The following BPIFA2 variants were observed in gnomAD, a reference collection of about 807,000 sequenced individuals.
BPIFA2 encodes BPI fold containing family A member 2.
Under a neutral mutation model 25.7 loss-of-function variants are expected in BPIFA2, and 20 were observed. The observed-to-expected ratio is 0.78, with a 90% CI of 0.55 to 1.13. The LOEUF (loss-of-function observed/expected upper bound fraction) is 1.13, where lower values mean the gene tolerates loss of function less well. BPIFA2 is among the 50% of genes most tolerant of loss of function. The pLI, the probability that BPIFA2 is intolerant of heterozygous loss-of-function variation, is 0.00. For missense variants in BPIFA2, 300 were observed against 298.1 expected, an observed-to-expected ratio of 1.01 and a Z score of -0.05; for synonymous variants, 126 against 124.3, an observed-to-expected ratio of 1.01 and a Z score of -0.09.
chr20:33,177,979 G>C (rs1038022666), intron 5 of BPIFA2, among the ~76,000 whole-genome samples, 168 bp from the exon 6 acceptor site: 1 of 152,180 alleles, frequency 6.6e-6, no homozygotes, highest in Admixed American at 6.5e-5. Flanking sequence ...AGATGTGGGA[G>C]TCTAAGTGAT....
At position 33,168,229 on chromosome 20, in the gene BPIFA2, C is replaced by G. The variant is rs1158705609; in HGVS notation, c.-16+20C>G. ...AAACGCGTGAGTGGCGTGCTCCCCCCAGTGGCACCACACGTGGTGGTCTTT... is the reference window on the plus strand; with the variant it reads ...AAACGCGTGAGTGGCGTGCTCCCCCGAGTGGCACCACACGTGGTGGTCTTT... On this transcript the variant is annotated intron_variant, in intron 1 of 8. Transcript: ENST00000354932. 2 of 152,262 alleles carry G rather than the reference C, an allele frequency of 1.3e-5. No homozygotes were observed. The highest frequency in any genetic ancestry group is 3.9e-4 in the East Asian group (2 of 5,192). 9.4% of individuals were successfully genotyped at this position (152,262 alleles called of 1,614,324 possible). A position where few individuals can be genotyped will look rare whatever the true frequency, so the allele number is the denominator to read the frequency against.
chr20:33,177,961 C>T (rs1231154659), intron 5 of BPIFA2, among the ~76,000 whole-genome samples, 186 bp from the exon 6 acceptor site: 1 of 152,064 alleles, frequency 6.6e-6, no homozygotes, highest in African/African-American at 2.4e-5. Context: ...TGGGGTGAGC[C>T]GCTGGTCAGA....
chr20:33,172,270 G>T (rs1313693724), intron 2 of BPIFA2, among the ~76,000 whole-genome samples: 1 of 152,196 alleles, frequency 6.6e-6, no homozygotes, highest in East Asian at 1.9e-4. Flanking sequence ...GAGAGAATTA[G>T]GACAAATACC....
intron 3 of BPIFA2, among the ~76,000 whole-genome samples, chr20:33,173,861 T>TA (rs1262767653): frequency 4.6e-5 from 7 of 152,176 alleles, no homozygotes; most frequent in Admixed American, 1.3e-4. Flanking sequence ...CTCTGGCACT[T>TA]ACTCCCCTAG....
At chr20:33,175,678 C>T (rs556604014) in intron 5 of BPIFA2, 119 bp downstream of exon 5, 3 of 1,115,990 alleles carry the variant, frequency 2.7e-6, no homozygotes, top group Non-Finnish European at 3.8e-6. Context: ...GCTCTGGAGT[C>T]ATGTTGACCT....
chr20:33,162,863 T>C (rs1405053124), intron 1 of BPIFA2, among the ~76,000 whole-genome samples: 1 of 152,178 alleles, frequency 6.6e-6, no homozygotes, highest in Non-Finnish European at 1.5e-5. Flanking sequence ...GCACTTCCTC[T>C]TTCACTCCCA....
rs140056672 is a variant in BPIFA2, at chr20:33,169,296, C to T, written c.151C>T (p.Leu51Phe). The change falls in exon 2 of 9, where the codon CTT becomes TTT. Residue 51 changes from leucine to phenylalanine, a missense_variant. Coordinates refer to ENST00000354932, the MANE Select transcript of BPIFA2 (RefSeq NM_080574.4). ...HEGLETVDNT[L>F]KGILEKLKVD... ...GGGACTTGAGACAGTTGACAATACT[C>T]TTAAAGGTAAATCAACAAGGGTGAT... The T allele has an allele frequency of 1.2e-5, 20 of 1,613,736 alleles. No homozygotes were observed. The African/African-American group carries it at 2.0e-4, about 16-fold the overall frequency.
intron 1 of BPIFA2, among the ~76,000 whole-genome samples, chr20:33,168,422 C>A (rs190401757): frequency 9.7e-4 from 148 of 152,306 alleles, no homozygotes; most frequent in African/African-American, 3.5e-3. Flanking sequence ...TACTCCTGTT[C>A]TTCCCATGAC....
intron 1 of BPIFA2, among the ~76,000 whole-genome samples, chr20:33,168,588 G>C (rs1983795509): frequency 6.6e-6 from 1 of 152,048 alleles, no homozygotes; most frequent in African/African-American, 2.4e-5. Flanking sequence ...TTCGTTTACT[G>C]TACTGTACTA....
At chr20:33,175,608 A>T in intron 5 of BPIFA2, 49 bp downstream of exon 5, 2 of 1,587,224 alleles carry the variant, frequency 1.3e-6, no homozygotes, top group Non-Finnish European at 1.7e-6. Context: ...GAACTTGAGG[A>T]CCCCTAATTT....
intron 2 of BPIFA2, among the ~76,000 whole-genome samples, chr20:33,169,978 T>C (rs1182370581): frequency 1.3e-5 from 2 of 152,206 alleles, no homozygotes; most frequent in Non-Finnish European, 2.9e-5. Flanking sequence ...TTTTGTTTTA[T>C]GGAAACATTA....
At chr20:33,170,182 G>A (rs376499676) in intron 2 of BPIFA2, among the ~76,000 whole-genome samples, 3 of 152,300 alleles carry the variant, frequency 2.0e-5, no homozygotes, top group East Asian at 3.9e-4. Context: ...ACGATTAGAC[G>A]TAGTTATATC....
At chr20:33,166,237 G>A (rs1028263274), upstream of BPIFA2, among the ~76,000 whole-genome samples, 4 of 152,086 alleles carry the variant, frequency 2.6e-5, no homozygotes, top group Admixed American at 6.5e-5. Flanking sequence ...GGCTGGTCTC[G>A]AACTCCTGAC....
At chr20:33,179,742 C>A in intron 7 of BPIFA2, 75 bp downstream of exon 7, 1 of 1,429,078 alleles carries the variant, frequency 7.0e-7, no homozygotes, top group Non-Finnish European at 9.9e-7. Flanking sequence ...CAGTTCTGGT[C>A]AGGGGACCCT....
intron 5 of BPIFA2, 45 bp downstream of exon 5, chr20:33,175,604 G>T: frequency 6.3e-7 from 1 of 1,595,350 alleles, no homozygotes. Context: ...CAGGGAACTT[G>T]AGGACCCCTA....
At position 33,178,225 on chromosome 20, in the gene BPIFA2, G is replaced by A. The variant is rs1984151654; in HGVS notation, c.642G>A (p.Lys214=). 1 of 1,589,008 alleles carries A rather than the reference G, an allele frequency of 6.3e-7. No homozygotes were observed. The highest frequency in any genetic ancestry group is 1.1e-5 in the South Asian group (1 of 89,394). ...GCACTGTATCCTCCCTGCTGCAGAA[G>A]GAGGTGAGTCTCCCACTCCTTGGAG... ...LKSTVSSLLQ[K]EICPLIRIFI... Residue 214 remains lysine (K), a synonymous_variant, in exon 6 of 9, where the codon AAG becomes AAA. Transcript: ENST00000354932.
chr20:33,166,338 G>A (rs1473026586), upstream of BPIFA2, among the ~76,000 whole-genome samples: 3 of 152,096 alleles, frequency 2.0e-5, no homozygotes, highest in Non-Finnish European at 4.4e-5. Context: ...ATTTTATAAT[G>A]GGTTGTGTCC....
At position 33,179,593 on chromosome 20, in the gene BPIFA2, TC is replaced by T. The variant is rs149853875; in HGVS notation, c.646-9del. On this transcript the variant is annotated splice_polypyrimidine_tract_variant and intron_variant, in intron 6 of 8. Transcript: ENST00000354932. ...TCCTGACCCTCCTCTTCCTCCTTTC[TC>T]CGCTGTCAGATATGTCCACTGATCC... 4,791 of 1,604,676 alleles carry T rather than the reference TC, an allele frequency of 3.0e-3. 110 individuals carry two copies. The African/African-American group carries it at 0.051, about 17-fold the overall frequency.
At chr20:33,165,236 T>C (rs1275541707), upstream of BPIFA2, among the ~76,000 whole-genome samples, 1 of 152,262 alleles carries the variant, frequency 6.6e-6, no homozygotes, top group African/African-American at 2.4e-5. Context: ...CCAGAATTCC[T>C]GAGTAGGCAG....
Sources: gnomAD v4.1 joint callset for allele counts (sites outside exome capture counted in the v4.1 genomes callset) on GRCh38, gnomAD v4.1.1 for gene constraint, MANE v1.5 for transcripts, NCBI Gene and HGNC (gene_info 2026-07-23, HGNC 2026-07-21) for gene names.